STMP1: variants seen among roughly 807,000 people sequenced by gnomAD.
STMP1 encodes the protein mitolamban.
Under a neutral mutation model 7.0 loss-of-function variants are expected in STMP1, and 7 were observed. That is an observed-to-expected ratio of 1.01 (90% CI 0.57 to 1.89). STMP1 has a LOEUF of 1.89. Among genes scored for constraint, STMP1 ranks in the 40% most tolerant of loss-of-function variants. The probability of loss-of-function intolerance (pLI) is 0.00; values close to 1 mark genes in which losing one functional copy is unlikely to be tolerated. For synonymous variants in STMP1, 19 were observed against 18.4 expected (o/e 1.03, Z -0.08); for missense variants, 45 against 53.0 (o/e 0.85, Z 0.47).
At chr7:135,670,903 G>T (rs1795349909) in intron 1 of STMP1, among the ~76,000 whole-genome samples, 1 of 152,194 alleles carries the variant, frequency 6.6e-6, no homozygotes. Context: ...GAGAGGTTAA[G>T]TGTCTTGCTT....
rs968019684 is a variant in STMP1 at position 135,674,849 on chromosome 7, A to G, written c.*684A>G. The G allele has an allele frequency of 2.6e-5, 4 of 152,136 alleles. No homozygotes were observed. Among genetic ancestry groups the G allele is most frequent in the African/African-American group, 9.7e-5 (4 of 41,442 alleles). The allele number at this position is 152,136 out of a possible 1,614,324, so 9.4% of individuals were successfully genotyped here. On this transcript the variant is annotated 3_prime_UTR_variant, in exon 3 of 3. Coordinates refer to ENST00000507606, the MANE Select transcript of STMP1 (RefSeq NM_001130929.2). ...ATGTTTTTCCTTAATGATGTATTTG[A>G]TCTGACTTTTTTCCTTCTCAAAAGA...
rs937674590 is a variant in STMP1, at chr7:135,675,515, T to A, written c.*1350T>A. The stretch of plus-strand genomic sequence containing the variant: ...CTACTGGTGAATGCTTAGGTTGTTC[T>A]TTTGCTATTACAGTGATAACTTCAA... On this transcript the variant is annotated 3_prime_UTR_variant, in exon 3 of 3. Transcript: ENST00000507606. The A allele has an allele frequency of 2.0e-5, 3 of 152,250 alleles. No individual in the cohort carries two copies. The highest frequency in any genetic ancestry group is 2.0e-4 in the Admixed American group (3 of 15,284). 9.4% of individuals were successfully genotyped at this position (152,250 alleles called of 1,614,324 possible).
chr7:135,674,402 T>G lies in STMP1; in HGVS notation c.*237T>G, dbSNP rs1795388922. 2.3e-6 allele frequency: 1 copy of G among 440,054 alleles called. No homozygotes were observed. Among genetic ancestry groups the G allele is most frequent in the South Asian group, 5.4e-5 (1 of 18,638 alleles). 27.3% of individuals were successfully genotyped at this position (440,054 alleles called of 1,614,324 possible). ...CCCTTTCCAACTGCATGGGAGGTTC[T>G]AAGACTGGAATTATGGTGCTAGATT... is the stretch of plus-strand genomic sequence containing the variant. On this transcript the variant is annotated 3_prime_UTR_variant, in exon 3 of 3. Coordinates refer to ENST00000507606, the MANE Select transcript of STMP1 (RefSeq NM_001130929.2).
At chr7:135,663,183 G>A (rs563934598) in intron 1 of STMP1, among the ~76,000 whole-genome samples, 2 of 152,130 alleles carry the variant, frequency 1.3e-5, no homozygotes, top group Non-Finnish European at 2.9e-5. Context: ...TATTTCTCTT[G>A]GCTCCTTATT....
intron 1 of STMP1, among the ~76,000 whole-genome samples, chr7:135,669,236 G>A (rs3112327): frequency 0.89 from 135,543 of 152,366 alleles, 60,578 homozygotes; most frequent in East Asian, 1. Context: ...CAGCCAAACC[G>A]TATCACCAGT....
At chr7:135,664,195 C>T (rs1397289365) in intron 1 of STMP1, among the ~76,000 whole-genome samples, 1 of 152,068 alleles carries the variant, frequency 6.6e-6, no homozygotes, top group African/African-American at 2.4e-5. Context: ...TCACTTAGCT[C>T]CAGAGTATAG....
intron 1 of STMP1, among the ~76,000 whole-genome samples, chr7:135,671,668 A>G (rs1225183799): frequency 6.6e-6 from 1 of 152,154 alleles, no homozygotes; most frequent in Admixed American, 6.5e-5. Context: ...GTTTTCTAAA[A>G]ATTGCACCCG....
intron 1 of STMP1, among the ~76,000 whole-genome samples, chr7:135,669,789 A>G (rs1795338341): frequency 1.3e-5 from 2 of 152,262 alleles, no homozygotes; most frequent in Admixed American, 1.3e-4. Context: ...ATAGCAAAAA[A>G]TGATTATTCA....
In STMP1 at chr7:135,674,661, T is replaced by C. The variant is rs1055031042; in HGVS notation, c.*496T>C. ...GTTTCTGGTGAATTATTCATTTATT[T>C]TGTACTGTTGTTAGGCAGCTCTGTA... is the stretch of plus-strand genomic sequence containing the variant. On this transcript the variant is annotated 3_prime_UTR_variant, in exon 3 of 3. Transcript: ENST00000507606. 3 of 152,628 alleles carry C rather than the reference T, an allele frequency of 2.0e-5. No homozygotes were observed. Among genetic ancestry groups the C allele is most frequent in the African/African-American group, 7.2e-5 (3 of 41,454 alleles). 9.5% of individuals were successfully genotyped at this position (152,628 alleles called of 1,614,324 possible).
intron 1 of STMP1, among the ~76,000 whole-genome samples, chr7:135,668,445 C>T (rs1361282285): frequency 6.6e-6 from 1 of 152,140 alleles, no homozygotes; most frequent in Non-Finnish European, 1.5e-5. Flanking sequence ...CTCTGATGCC[C>T]AGGCTGGAGT....
intron 2 of STMP1, 44 bp downstream of exon 2, chr7:135,672,850 T>C: frequency 6.7e-7 from 1 of 1,488,258 alleles, no homozygotes; most frequent in Non-Finnish European, 9.2e-7. Flanking sequence ...ATGTAACTGT[T>C]TTAGAGTGAC....
rs558462114 is a variant in STMP1, at chr7:135,676,224, T to C, written c.*2059T>C. 4.7e-4 allele frequency: 72 copies of C among 152,328 alleles called. No homozygotes were observed. The highest frequency in any genetic ancestry group is 1.6e-3 in the African/African-American group (66 of 41,570). The allele number at this position is 152,328 out of a possible 1,614,324, so 9.4% of individuals were successfully genotyped here. A position where few individuals can be genotyped will look rare whatever the true frequency, so the allele number is the denominator to read the frequency against. On this transcript the variant is annotated 3_prime_UTR_variant, in exon 3 of 3. Transcript: ENST00000507606. ...CCACTGCGCCCAGCTTTTTTAAACTTTTAGATTCATTTAATAGGTAAATTG... is the reference window on the plus strand; with the variant it reads ...CCACTGCGCCCAGCTTTTTTAAACTCTTAGATTCATTTAATAGGTAAATTG...
At chr7:135,662,713 C>G (rs557487214) in intron 1 of STMP1, 119 bp downstream of exon 1, 6 of 1,203,986 alleles carry the variant, frequency 5.0e-6, no homozygotes, top group Non-Finnish European at 6.8e-6. Context: ...GCGGTCCCTT[C>G]GTCCCCCGCG....
Position 135,675,187 on chromosome 7 carries a change from A to G in STMP1, c.*1022A>G, listed in dbSNP as rs149380028. The G allele has an allele frequency of 3.0e-4, 46 of 152,290 alleles. No homozygotes were observed. Among genetic ancestry groups the G allele is most frequent in the Admixed American group, 1.4e-3 (22 of 15,304 alleles). 9.4% of individuals were successfully genotyped at this position (152,290 alleles called of 1,614,324 possible). A position where few individuals can be genotyped will look rare whatever the true frequency, so the allele number is the denominator to read the frequency against. On this transcript the variant is annotated 3_prime_UTR_variant, in exon 3 of 3. Coordinates refer to ENST00000507606, the MANE Select transcript of STMP1 (RefSeq NM_001130929.2). ...AATAATTAACTTTTGCCATGGGACA[A>G]GATACAAAAGTAATTTCATATAAAG... is the stretch of plus-strand genomic sequence containing the variant.
chr7:135,666,572 C>A (rs1048232298), intron 1 of STMP1, among the ~76,000 whole-genome samples: 3 of 151,966 alleles, frequency 2.0e-5, no homozygotes, highest in Admixed American at 2.0e-4. Flanking sequence ...AAACTCCTGG[C>A]CTCATGTGAT....
At position 135,675,259 on chromosome 7, in the gene STMP1, G is replaced by A. The variant is rs1795399392; in HGVS notation, c.*1094G>A. ...CTGGCTCCTGGCTCCTGTTTGACAA[G>A]TTACTGTTACCACTTCGCCTTATAC... On this transcript the variant is annotated 3_prime_UTR_variant, in exon 3 of 3. Transcript: ENST00000507606. The A allele has an allele frequency of 1.3e-5, 2 of 152,146 alleles. No homozygotes were observed. Among genetic ancestry groups the A allele is most frequent in the South Asian group, 2.1e-4 (1 of 4,834 alleles). 9.4% of individuals were successfully genotyped at this position (152,146 alleles called of 1,614,324 possible).
In STMP1 at chr7:135,674,851, C is replaced by T. The variant is rs531454727; in HGVS notation, c.*686C>T. 6.6e-6 allele frequency: 1 copy of T among 152,186 alleles called. No individual in the cohort carries two copies. The highest frequency in any genetic ancestry group is 1.9e-4 in the East Asian group (1 of 5,186). The allele number at this position is 152,186 out of a possible 1,614,324, so 9.4% of individuals were successfully genotyped here. On this transcript the variant is annotated 3_prime_UTR_variant, in exon 3 of 3. Transcript: ENST00000507606. ...GTTTTTCCTTAATGATGTATTTGAT[C>T]TGACTTTTTTCCTTCTCAAAAGAAT...
intron 1 of STMP1, among the ~76,000 whole-genome samples, chr7:135,668,099 T>C (rs1795315173): frequency 6.6e-6 from 1 of 152,190 alleles, no homozygotes; most frequent in South Asian, 2.1e-4. Flanking sequence ...TTGGCACTCT[T>C]GTTGAAAATC....
intron 1 of STMP1, chr7:135,665,679 T>C (rs1011657852): frequency 4.6e-5 from 7 of 151,808 alleles, no homozygotes; most frequent in African/African-American, 1.7e-4. Context: ...CCAGTTTTAG[T>C]GTATGTGCTG....
Sources: allele counts gnomAD v4.1 joint callset (sites outside exome capture counted in the v4.1 genomes callset), GRCh38; gene constraint gnomAD v4.1.1; transcripts MANE v1.5; gene names NCBI Gene and HGNC (gene_info 2026-07-23, HGNC 2026-07-21).